ATRNL1: variants seen among roughly 807,000 people sequenced by gnomAD.
The protein encoded by ATRNL1 is attractin-like protein 1.
Under a neutral mutation model 182.7 loss-of-function variants are expected in ATRNL1, and 95 were observed. The observed-to-expected ratio is 0.52, with a 90% confidence interval of 0.44 to 0.62. ATRNL1 has a LOEUF of 0.62. ATRNL1 is among the 20% of genes least tolerant of loss of function. The pLI is 0.00. For missense variants in ATRNL1, 1,471 were observed against 1,679.5 expected (o/e 0.88, Z 2.17); for synonymous variants, 576 against 568.3 (o/e 1.01, Z -0.19).
chr10:115,564,730 G>A (rs879974189), intron 26 of ATRNL1, among the ~76,000 whole-genome samples: 25 of 151,778 alleles, frequency 1.6e-4, no homozygotes, highest in Non-Finnish European at 3.4e-4. Context: ...TAGCCAATCA[G>A]TGTTATCAGG....
intron 26 of ATRNL1, among the ~76,000 whole-genome samples, chr10:115,627,373 CT>C (rs34707919): frequency 2.0e-5 from 3 of 151,364 alleles, no homozygotes; most frequent in Admixed American, 2.0e-4. Context: ...ATTAGTATTT[CT>C]TTTTTTTTGA....
intron 21 of ATRNL1, among the ~76,000 whole-genome samples, chr10:115,430,104 A>G (rs185093298): frequency 1.1e-3 from 163 of 152,266 alleles, no homozygotes; most frequent in African/African-American, 3.6e-3. Context: ...TCCATTCTAT[A>G]TATCTGCAAT....
intron 9 of ATRNL1, among the ~76,000 whole-genome samples, chr10:115,219,886 G>A (rs1849381504): frequency 6.6e-6 from 1 of 152,122 alleles, no homozygotes; most frequent in African/African-American, 2.4e-5. Context: ...CTGGGTGACA[G>A]ATTGAGACCC....
intron 19 of ATRNL1, among the ~76,000 whole-genome samples, chr10:115,336,799 A>G (rs994299110): frequency 6.6e-5 from 10 of 152,178 alleles, no homozygotes; most frequent in African/African-American, 1.7e-4. Context: ...AGTGAAACCC[A>G]CATAACAGAC....
At chr10:115,142,644 A>T (rs1845799149) in intron 5 of ATRNL1, among the ~76,000 whole-genome samples, 1 of 152,168 alleles carries the variant, frequency 6.6e-6, no homozygotes, top group Non-Finnish European at 1.5e-5. Flanking sequence ...AGTTTTATAA[A>T]GCTCCTATTG....
At chr10:115,584,001 G>A (rs1320027784) in intron 26 of ATRNL1, among the ~76,000 whole-genome samples, 1 of 152,154 alleles carries the variant, frequency 6.6e-6, no homozygotes, top group Non-Finnish European at 1.5e-5. Context: ...TGCTTCTATT[G>A]AGATAGTCAT....
intron 25 of ATRNL1, among the ~76,000 whole-genome samples, chr10:115,528,609 G>A (rs1851385053): frequency 6.6e-6 from 1 of 150,942 alleles, no homozygotes; most frequent in Non-Finnish European, 1.5e-5. Flanking sequence ...TTTCTCTATT[G>A]TTTTTCTATT....
At chr10:115,177,462 T>A (rs1458847076) in intron 8 of ATRNL1, among the ~76,000 whole-genome samples, 1 of 152,110 alleles carries the variant, frequency 6.6e-6, no homozygotes, top group Non-Finnish European at 1.5e-5. Flanking sequence ...GTGAAATAAT[T>A]CTATTTGGGA....
Position 115,948,648 on chromosome 10 carries a change from G to A in ATRNL1, c.*3869G>A, listed in dbSNP as rs1297539529. The A allele has an allele frequency of 6.6e-6, 1 of 152,158 alleles. No homozygotes were observed. The highest frequency in any genetic ancestry group is 1.5e-5 in the Non-Finnish European group (1 of 68,036). 9.4% of individuals were successfully genotyped at this position (152,158 alleles called of 1,614,324 possible). On this transcript the variant is annotated 3_prime_UTR_variant, in exon 29 of 29. Transcript: ENST00000355044. The stretch of plus-strand genomic sequence containing the variant: ...AAACACTGCATTGGGTCAAAGTGCT[G>A]CCTTTAATCGACCATTAGAGGGAGT...
intron 13 of ATRNL1, 101 bp from the exon 14 acceptor site, chr10:115,281,254 A>G: frequency 2.2e-6 from 2 of 918,698 alleles, no homozygotes; most frequent in Middle Eastern, 5.4e-4. Flanking sequence ...GGAGTTAGAA[A>G]TGTTTATTTT....
intron 26 of ATRNL1, among the ~76,000 whole-genome samples, chr10:115,576,231 G>T (rs188273469): frequency 3.3e-5 from 5 of 152,052 alleles, no homozygotes; most frequent in East Asian, 3.9e-4. Flanking sequence ...TGCTGATTTC[G>T]TTTCCTTTGG....
At chr10:115,808,645 G>A (rs1316168618) in intron 27 of ATRNL1, among the ~76,000 whole-genome samples, 2 of 152,110 alleles carry the variant, frequency 1.3e-5, no homozygotes, top group Admixed American at 6.6e-5. Context: ...ATTCCCACTA[G>A]CAATGTGCAA....
At chr10:115,542,600 T>A (rs1431700737) in intron 25 of ATRNL1, among the ~76,000 whole-genome samples, 2 of 152,164 alleles carry the variant, frequency 1.3e-5, no homozygotes, top group Non-Finnish European at 2.9e-5. Context: ...TTATGCATAG[T>A]CCAGAGAATC....
intron 27 of ATRNL1, chr10:115,820,051 C>G (rs1241405073): frequency 1.3e-5 from 2 of 152,052 alleles, no homozygotes; most frequent in African/African-American, 4.8e-5. Flanking sequence ...TGAAAATGGC[C>G]TCCAAAATAC....
chr10:115,514,513 T>TATAG (rs1850546000), intron 24 of ATRNL1, among the ~76,000 whole-genome samples: 1 of 151,940 alleles, frequency 6.6e-6, no homozygotes, highest in South Asian at 2.1e-4. Context: ...TGTGTGCCTA[T>TATAG]GTCTTGCTTA....
intron 27 of ATRNL1, among the ~76,000 whole-genome samples, chr10:115,781,205 A>G (rs1415943060): frequency 6.6e-6 from 1 of 152,200 alleles, no homozygotes; most frequent in Non-Finnish European, 1.5e-5. Context: ...AGCATCACCA[A>G]ATCCAAGCAA....
intron 26 of ATRNL1, among the ~76,000 whole-genome samples, chr10:115,572,184 T>G (rs1301437968): frequency 1.3e-5 from 2 of 152,102 alleles, no homozygotes; most frequent in Non-Finnish European, 2.9e-5. Flanking sequence ...TACAGTAAAT[T>G]TTACTATATA....
chr10:115,398,748 G>A (rs1292708515), intron 20 of ATRNL1, among the ~76,000 whole-genome samples: 2 of 151,992 alleles, frequency 1.3e-5, no homozygotes, highest in East Asian at 3.9e-4. Context: ...TATGTTGAAT[G>A]GAAGTGGTGA....
At chr10:115,722,427 A>C (rs772147346) in intron 26 of ATRNL1, among the ~76,000 whole-genome samples, 14 of 152,196 alleles carry the variant, frequency 9.2e-5, no homozygotes, top group Non-Finnish European at 1.6e-4. Flanking sequence ...TTGAAGATTT[A>C]GTTATATAAA....
Sources: gnomAD v4.1 joint callset for allele counts (sites outside exome capture counted in the v4.1 genomes callset) on GRCh38, gnomAD v4.1.1 for gene constraint, MANE v1.5 for transcripts, NCBI Gene and HGNC (gene_info 2026-07-23, HGNC 2026-07-21) for gene names.